CMSS1: variants seen among roughly 807,000 people sequenced by gnomAD.
The protein encoded by CMSS1 is cms1 ribosomal small subunit homolog.
Under a neutral mutation model 43.5 loss-of-function variants are expected in CMSS1, and 33 were observed. That is an observed-to-expected ratio of 0.76 (90% CI 0.57 to 1.01). The LOEUF is 1.01. Ranked by LOEUF, CMSS1 falls within the 50% of genes least tolerant of loss-of-function variation. CMSS1 has a pLI of 0.00. For synonymous variants in CMSS1, 115 were observed against 117.2 expected (o/e 0.98, Z 0.12); for missense variants, 313 against 326.4 (o/e 0.96, Z 0.32).
At chr3:100,110,783 A>G (rs2066477556) in intron 1 of CMSS1, among the ~76,000 whole-genome samples, 1 of 152,144 alleles carries the variant, frequency 6.6e-6, no homozygotes, top group Non-Finnish European at 1.5e-5. Flanking sequence ...TACCCATGAT[A>G]AACTGCTTCT....
intron 1 of CMSS1, among the ~76,000 whole-genome samples, chr3:100,042,419 G>A (rs1365904612): frequency 5.3e-5 from 8 of 152,200 alleles, no homozygotes; most frequent in East Asian, 1.9e-4. Flanking sequence ...TAGCCTGTGA[G>A]CACCATCATG....
chr3:100,072,451 G>A lies in CMSS1; in HGVS notation c.65-74522G>A, dbSNP rs1240596834. Among the ~76,000 whole-genome samples the A allele has an allele frequency of 3.3e-5, 5 of 152,256 alleles. No individual in the cohort carries two copies. In the East Asian group the frequency reaches 7.7e-4, roughly 24 times the overall value. On this transcript the variant is annotated intron_variant, in intron 1 of 9. Coordinates refer to ENST00000421999, the MANE Select transcript of CMSS1 (RefSeq NM_032359.4). ...TCCTGGATTCCCCCCTTTCTAGATG[G>A]CCCTTAATGGTGCCTGATTTTCTCT... is the stretch of plus-strand genomic sequence containing the variant.
chr3:100,090,272 C>T (rs188806231), intron 1 of CMSS1, among the ~76,000 whole-genome samples: 6 of 152,102 alleles, frequency 3.9e-5, no homozygotes, highest in Non-Finnish European at 2.9e-5. Flanking sequence ...TTAACTGTCC[C>T]GATCTTCTGA....
chr3:100,071,736 A>C (rs185305089), intron 1 of CMSS1, among the ~76,000 whole-genome samples: 1 of 152,028 alleles, frequency 6.6e-6, no homozygotes, highest in East Asian at 1.9e-4. Context: ...CTCCTCCCCA[A>C]ATGATCCTTG....
chr3:99,936,369 CTTTT>C (rs548149257), intron 1 of CMSS1, among the ~76,000 whole-genome samples: 5 of 86,370 alleles, frequency 5.8e-5, no homozygotes, highest in South Asian at 4.3e-4. Flanking sequence ...AGCTTGAAGC[CTTTT>C]TTTTTTTTTT....
chr3:99,867,998 C>T (rs1944604108), intron 1 of CMSS1, among the ~76,000 whole-genome samples: 1 of 152,160 alleles, frequency 6.6e-6, no homozygotes, highest in African/African-American at 2.4e-5. Flanking sequence ...TCAAAAGAGA[C>T]TCTTTATTGT....
intron 1 of CMSS1, among the ~76,000 whole-genome samples, chr3:100,091,397 CTT>C (rs1413607530): frequency 6.6e-6 from 1 of 151,606 alleles, no homozygotes; most frequent in African/African-American, 2.4e-5. Context: ...AATAAATGAA[CTT>C]TGTGGAATTT....
At chr3:100,026,736 A>G (rs967090617) in intron 1 of CMSS1, among the ~76,000 whole-genome samples, 1 of 152,182 alleles carries the variant, frequency 6.6e-6, no homozygotes, top group African/African-American at 2.4e-5. Flanking sequence ...CTGTTGCACT[A>G]CTGTGGTCCA....
chr3:99,970,021 T>C (rs939770276), intron 1 of CMSS1, among the ~76,000 whole-genome samples: 6 of 152,232 alleles, frequency 3.9e-5, no homozygotes, highest in African/African-American at 1.4e-4. Context: ...TAAAAAGGAA[T>C]AATCAGTTAG....
chr3:99,822,853 A>G (rs1030764617), intron 1 of CMSS1, among the ~76,000 whole-genome samples: 11 of 152,238 alleles, frequency 7.2e-5, no homozygotes, highest in Non-Finnish European at 1.6e-4. Context: ...AATCTTCCCA[A>G]GTACACCAGC....
chr3:100,153,167 C>G (rs2066936292), intron 2 of CMSS1, among the ~76,000 whole-genome samples: 1 of 152,172 alleles, frequency 6.6e-6, no homozygotes, highest in African/African-American at 2.4e-5. Flanking sequence ...ATCATCACCC[C>G]CAGAATCCTT....
chr3:100,007,054 A>G (rs1008151501), intron 1 of CMSS1, among the ~76,000 whole-genome samples: 3 of 152,200 alleles, frequency 2.0e-5, no homozygotes, highest in Non-Finnish European at 1.5e-5. Flanking sequence ...TATTTTCCAC[A>G]TGAGGTTTAC....
At chr3:99,956,179 C>T (rs768663147) in intron 1 of CMSS1, among the ~76,000 whole-genome samples, 10 of 152,148 alleles carry the variant, frequency 6.6e-5, no homozygotes, top group Non-Finnish European at 1.3e-4. Flanking sequence ...GCCCTTTCTT[C>T]CACTTATTCC....
chr3:100,013,768 A>T (rs1219304030), intron 1 of CMSS1, among the ~76,000 whole-genome samples: 2 of 152,212 alleles, frequency 1.3e-5, no homozygotes, highest in Non-Finnish European at 2.9e-5. Context: ...ACCTTGTGAA[A>T]TGATTAAATC....
Position 100,179,351 on chromosome 3 carries a change from G to A in CMSS1, c.*963G>A, listed in dbSNP as rs1179885015. 1 of 152,186 alleles carries A rather than the reference G, an allele frequency of 6.6e-6. No homozygotes were observed. Among genetic ancestry groups the A allele is most frequent in the Non-Finnish European group, 1.5e-5 (1 of 68,050 alleles). 9.4% of individuals were successfully genotyped at this position (152,186 alleles called of 1,614,324 possible). ...ACTGAAAAGTCCAACTCCAAAGTCT[G>A]ATCTGAGACAAGGCAACTTCCTTCC... On this transcript the variant is annotated 3_prime_UTR_variant, in exon 10 of 10. Coordinates refer to ENST00000421999, the MANE Select transcript of CMSS1 (RefSeq NM_032359.4).
intron 1 of CMSS1, among the ~76,000 whole-genome samples, chr3:99,907,808 TAGG>T (rs1706668991): frequency 6.6e-6 from 1 of 152,146 alleles, no homozygotes; most frequent in Admixed American, 6.6e-5. Context: ...CTGGATCCAT[TAGG>T]AGATCAAGCC....
intron 1 of CMSS1, among the ~76,000 whole-genome samples, chr3:99,961,320 A>AT (rs904757478): frequency 5.9e-5 from 9 of 152,100 alleles, no homozygotes; most frequent in Admixed American, 2.0e-4. Context: ...TCCTCTGAGT[A>AT]TTTTTTTAAC....
At chr3:99,995,298 A>G (rs935557322) in intron 1 of CMSS1, among the ~76,000 whole-genome samples, 11 of 152,222 alleles carry the variant, frequency 7.2e-5, no homozygotes, top group Non-Finnish European at 1.2e-4. Context: ...TAAAGCTCCA[A>G]AATGATCTCC....
chr3:100,150,903 C>T (rs180908127), intron 2 of CMSS1, among the ~76,000 whole-genome samples: 1 of 152,286 alleles, frequency 6.6e-6, no homozygotes, highest in Non-Finnish European at 1.5e-5. Context: ...TTGATGCTTC[C>T]ATGATGTCAG....
Sources: gnomAD v4.1 joint callset for allele counts (sites outside exome capture counted in the v4.1 genomes callset) on GRCh38, gnomAD v4.1.1 for gene constraint, MANE v1.5 for transcripts, NCBI Gene and HGNC (gene_info 2026-07-23, HGNC 2026-07-21) for gene names.